The following SLC24A2 variants were observed in gnomAD, a reference collection of about 807,000 sequenced individuals.
SLC24A2 encodes sodium/potassium/calcium exchanger 2.
Under a neutral mutation model 62.0 loss-of-function variants are expected in SLC24A2, and 36 were observed. The ratio of observed to expected loss-of-function variants is 0.58; its 90% CI spans 0.44 to 0.77. SLC24A2 has a LOEUF of 0.77. Among genes scored for constraint, SLC24A2 ranks in the 30% least tolerant of loss-of-function variants. The pLI is 0.00. For missense variants in SLC24A2, 846 were observed against 817.9 expected (o/e 1.03, Z -0.42); for synonymous variants, 358 against 294.0 (o/e 1.22, Z -2.23).
the SLC24A2 span, among the ~76,000 whole-genome samples, chr9:20,213,195 A>G: frequency 6.6e-6 from 1 of 151,900 alleles, no homozygotes; most frequent in Non-Finnish European, 1.5e-5. Flanking sequence ...AAGTCAAAAG[A>G]AAATAAATTC....
the SLC24A2 span, among the ~76,000 whole-genome samples, chr9:19,796,264 A>C: frequency 9.2e-5 from 14 of 152,184 alleles, no homozygotes; most frequent in Non-Finnish European, 1.9e-4. Flanking sequence ...TAGAACTTAA[A>C]GTATAAAAAA....
chr9:19,645,509 T>C (rs750203429), intron 2 of SLC24A2, among the ~76,000 whole-genome samples: 4 of 152,140 alleles, frequency 2.6e-5, no homozygotes, highest in Non-Finnish European at 4.4e-5. Context: ...TTTTTAAACA[T>C]TGTGGCAAAA....
the SLC24A2 span, among the ~76,000 whole-genome samples, chr9:19,949,791 A>G: frequency 1.3e-5 from 2 of 152,322 alleles, no homozygotes; most frequent in Admixed American, 6.5e-5. Context: ...CACCTAGTGG[A>G]TAGTGAAAAG....
chr9:20,195,261 A>G, the SLC24A2 span, among the ~76,000 whole-genome samples: 1 of 152,112 alleles, frequency 6.6e-6, no homozygotes, highest in African/African-American at 2.4e-5. Context: ...CCTTAATATA[A>G]TAACTATTAT....
intron 2 of SLC24A2, among the ~76,000 whole-genome samples, chr9:19,747,388 G>A (rs1277415782): frequency 6.6e-6 from 1 of 152,012 alleles, no homozygotes; most frequent in African/African-American, 2.4e-5. Context: ...CACACAATTT[G>A]CTTGTTTTTG....
the SLC24A2 span, among the ~76,000 whole-genome samples, chr9:19,867,301 T>C: frequency 6.6e-6 from 1 of 152,170 alleles, no homozygotes; most frequent in African/African-American, 2.4e-5. Context: ...AGTGAAACAA[T>C]CTGAGCCTGG....
chr9:19,865,758 T>A, the SLC24A2 span, among the ~76,000 whole-genome samples: 1 of 152,114 alleles, frequency 6.6e-6, no homozygotes, highest in African/African-American at 2.4e-5. Flanking sequence ...CAGGGAAACA[T>A]TGGGGAAATT....
At chr9:19,973,396 A>C in the SLC24A2 span, among the ~76,000 whole-genome samples, 1 of 152,226 alleles carries the variant, frequency 6.6e-6, no homozygotes, top group Non-Finnish European at 1.5e-5. Flanking sequence ...CAGACCCTAC[A>C]TCCAGTGAAG....
At chr9:19,863,936 C>T in the SLC24A2 span, among the ~76,000 whole-genome samples, 1 of 151,770 alleles carries the variant, frequency 6.6e-6, no homozygotes, top group Non-Finnish European at 1.5e-5. Context: ...AATTGACAGA[C>T]TTTAGCCAGA....
At chr9:20,265,331 G>C in the SLC24A2 span, among the ~76,000 whole-genome samples, 4 of 152,344 alleles carry the variant, frequency 2.6e-5, no homozygotes, top group South Asian at 2.1e-4. Flanking sequence ...GTTGCGGGAA[G>C]TCAGGGACCC....
the SLC24A2 span, among the ~76,000 whole-genome samples, chr9:20,097,867 C>T: frequency 1.3e-5 from 2 of 150,568 alleles, no homozygotes; most frequent in African/African-American, 4.9e-5. Context: ...CTCAGACTCC[C>T]GAGTAGCTGG....
At chr9:19,998,095 G>A in the SLC24A2 span, among the ~76,000 whole-genome samples, 5 of 152,288 alleles carry the variant, frequency 3.3e-5, no homozygotes, top group African/African-American at 7.2e-5. Context: ...TGTGCCGGAA[G>A]CTGTGGTAAG....
At chr9:20,175,392 T>C in the SLC24A2 span, among the ~76,000 whole-genome samples, 2 of 151,926 alleles carry the variant, frequency 1.3e-5, no homozygotes, top group East Asian at 3.9e-4. Context: ...GAAAAAAGAA[T>C]TTAAGAAAAG....
At chr9:19,735,528 A>T (rs1034821281) in intron 2 of SLC24A2, among the ~76,000 whole-genome samples, 1 of 152,198 alleles carries the variant, frequency 6.6e-6, no homozygotes, top group African/African-American at 2.4e-5. Flanking sequence ...AAGGATTATA[A>T]ATCATGCTGC....
chr9:20,017,243 G>A, the SLC24A2 span, among the ~76,000 whole-genome samples: 3 of 151,974 alleles, frequency 2.0e-5, no homozygotes, highest in Admixed American at 6.6e-5. Context: ...GACTGGTCTC[G>A]AACTCCTGGC....
chr9:19,825,126 G>T, the SLC24A2 span, among the ~76,000 whole-genome samples: 1 of 152,106 alleles, frequency 6.6e-6, no homozygotes, highest in African/African-American at 2.4e-5. Context: ...CATGGCACAT[G>T]TATACCTATG....
the SLC24A2 span, among the ~76,000 whole-genome samples, chr9:20,014,042 T>C: frequency 1.3e-5 from 2 of 152,104 alleles, no homozygotes; most frequent in South Asian, 2.1e-4. Flanking sequence ...ACTCTGTCTC[T>C]ATAAAAAATT....
intron 2 of SLC24A2, among the ~76,000 whole-genome samples, chr9:19,671,325 G>T (rs1819409138): frequency 6.6e-6 from 1 of 151,994 alleles, no homozygotes; most frequent in Non-Finnish European, 1.5e-5. Flanking sequence ...TATTGCAAAA[G>T]GGGTTGAGTT....
intron 2 of SLC24A2, among the ~76,000 whole-genome samples, chr9:19,659,780 G>A (rs1819043724): frequency 6.6e-6 from 1 of 152,078 alleles, no homozygotes; most frequent in Non-Finnish European, 1.5e-5. Context: ...TTCCTGAAGA[G>A]GCACAGACAC....
Sources: gnomAD v4.1 joint callset for allele counts (sites outside exome capture counted in the v4.1 genomes callset) on GRCh38, gnomAD v4.1.1 for gene constraint, MANE v1.5 for transcripts, NCBI Gene and HGNC (gene_info 2026-07-23, HGNC 2026-07-21) for gene names.